ACADL: variants seen among roughly 807,000 people sequenced by gnomAD.
ACADL encodes acyl-CoA dehydrogenase long chain.
A neutral mutation model predicts 56.9 loss-of-function variants in ACADL; 60 were observed. The ratio of observed to expected loss-of-function variants is 1.05; its 90% CI spans 0.86 to 1.31. ACADL has a LOEUF of 1.31. Ranked by LOEUF, ACADL falls within the 50% of genes most tolerant of loss-of-function variation. ACADL has a pLI of 0.00. For synonymous variants in ACADL, 158 were observed against 179.7 expected (o/e 0.88, Z 0.97); for missense variants, 484 against 525.5 (o/e 0.92, Z 0.77).
Position 210,189,165 on chromosome 2 carries a change from G to A in ACADL, c.1200-111C>T. 5.5e-6 allele frequency: 4 copies of A among 729,092 alleles called. No individual in the cohort carries two copies. The South Asian group carries it at 6.5e-5, about 12-fold the overall frequency. The allele number at this position is 729,092 out of a possible 1,614,324, so 45.2% of individuals were successfully genotyped here. On this transcript the variant is annotated intron_variant, in intron 10 of 10. Transcript: ENST00000233710. Reference sequence around the variant, plus strand: ...AATTAGTGAAGTACAAACAATAAAAGTCCTTCATAAATTACTTATTTTTTC... The same window carrying A: ...AATTAGTGAAGTACAAACAATAAAAATCCTTCATAAATTACTTATTTTTTC...
chr2:210,222,886 G>A (rs1215540592), intron 1 of ACADL, among the ~76,000 whole-genome samples: 1 of 152,140 alleles, frequency 6.6e-6, no homozygotes, highest in Non-Finnish European at 1.5e-5. Flanking sequence ...TTTCTTGCTA[G>A]TAGAGATAAA....
At chr2:210,214,280 C>T (rs1559639769) in intron 4 of ACADL, among the ~76,000 whole-genome samples, 1 of 152,092 alleles carries the variant, frequency 6.6e-6, no homozygotes, top group South Asian at 2.1e-4. Context: ...TTTCTTCCCA[C>T]GTGTTTTTCC....
intron 5 of ACADL, 151 bp from the exon 6 acceptor site, chr2:210,205,947 G>T: frequency 1.2e-6 from 1 of 854,030 alleles, no homozygotes; most frequent in Non-Finnish European, 1.9e-6. Context: ...CTGCAAAGTT[G>T]ATTATTCACA....
At chr2:210,222,508 C>CAAAAAAAAAAAAAAAAAAA (rs797000679) in intron 1 of ACADL, among the ~76,000 whole-genome samples, 13 of 81,310 alleles carry the variant, frequency 1.6e-4, no homozygotes, top group Non-Finnish European at 1.7e-4. Context: ...AACAAACAAA[C>CAAAAAAAAAAAAAAAAAAA]AAAAAAAAAA....
intron 3 of ACADL, 196 bp from the exon 4 acceptor site, chr2:210,216,707 T>C (rs1175887894): frequency 1.8e-6 from 1 of 550,404 alleles, no homozygotes; most frequent in Non-Finnish European, 3.2e-6. Flanking sequence ...ATAACAGTGG[T>C]CTACCAGAGT....
intron 10 of ACADL, among the ~76,000 whole-genome samples, chr2:210,190,629 A>C (rs1688615983): frequency 6.6e-6 from 1 of 152,014 alleles, no homozygotes; most frequent in African/African-American, 2.4e-5. Flanking sequence ...CTTAAATCTC[A>C]CTCCTCACGG....
At chr2:210,203,543 A>G in intron 7 of ACADL, 99 bp from the exon 8 acceptor site, 1 of 747,928 alleles carries the variant, frequency 1.3e-6, no homozygotes, top group Non-Finnish European at 2.2e-6. Context: ...TCTTTATAAT[A>G]AACTCATAAA....
intron 5 of ACADL, 41 bp downstream of exon 5, chr2:210,210,155 G>C: frequency 7.0e-7 from 1 of 1,420,514 alleles, no homozygotes; most frequent in South Asian, 1.1e-5. Context: ...CCCATGGCAT[G>C]ACTCTGAAAA....
intron 7 of ACADL, 85 bp from the exon 8 acceptor site, chr2:210,203,529 A>C (rs1448656290): frequency 1.2e-6 from 1 of 820,510 alleles, no homozygotes; most frequent in Non-Finnish European, 2.0e-6. Context: ...AATCCTATAA[A>C]TTATCTTTAT....
chr2:210,198,963 G>T (rs1220285259), intron 8 of ACADL, among the ~76,000 whole-genome samples: 1 of 151,960 alleles, frequency 6.6e-6, no homozygotes, highest in African/African-American at 2.4e-5. Context: ...ATTCTAAAAA[G>T]AAAATAAATT....
intron 8 of ACADL, among the ~76,000 whole-genome samples, chr2:210,202,272 T>C (rs1688805852): frequency 6.6e-6 from 1 of 152,042 alleles, no homozygotes; most frequent in East Asian, 1.9e-4. Flanking sequence ...TTTGTATTTT[T>C]AGTAGAGACA....
chr2:210,194,927 T>G (rs1460247883), intron 9 of ACADL, among the ~76,000 whole-genome samples: 2 of 152,192 alleles, frequency 1.3e-5, no homozygotes, highest in African/African-American at 4.8e-5. Context: ...CACTCTTCAT[T>G]TTCCCACTCT....
chr2:210,192,779 G>A, intron 10 of ACADL, 25 bp downstream of exon 10: 2 of 1,543,644 alleles, frequency 1.3e-6, no homozygotes, highest in Non-Finnish European at 1.8e-6. Flanking sequence ...TCATAAAGAA[G>A]AGTGTATCAG....
At chr2:210,197,855 A>C (rs1166323700) in intron 8 of ACADL, among the ~76,000 whole-genome samples, 1 of 152,234 alleles carries the variant, frequency 6.6e-6, no homozygotes, top group Non-Finnish European at 1.5e-5. Context: ...CATTCAGTGA[A>C]GTCCAGAGGT....
intron 6 of ACADL, among the ~76,000 whole-genome samples, chr2:210,205,427 T>G (rs1559636885): frequency 6.6e-6 from 1 of 152,198 alleles, no homozygotes; most frequent in Non-Finnish European, 1.5e-5. Context: ...ATATTCAAAA[T>G]ACCTTGATTC....
At chr2:210,205,324 C>T (rs1688865822) in intron 6 of ACADL, among the ~76,000 whole-genome samples, 1 of 152,120 alleles carries the variant, frequency 6.6e-6, no homozygotes, top group Non-Finnish European at 1.5e-5. Context: ...CTGTGCCTGG[C>T]CACACTTTAT....
intron 8 of ACADL, among the ~76,000 whole-genome samples, chr2:210,196,398 C>T (rs543669676): frequency 6.6e-6 from 1 of 152,128 alleles, no homozygotes; most frequent in East Asian, 1.9e-4. Context: ...CTGGGATTAT[C>T]AATGTTAATA....
At chr2:210,221,727 CTT>C (rs35816930) in intron 1 of ACADL, among the ~76,000 whole-genome samples, 23 of 140,092 alleles carry the variant, frequency 1.6e-4, no homozygotes, top group Non-Finnish European at 1.4e-4. Context: ...TGTTTCTTTC[CTT>C]TTTTTTTTTT....
At chr2:210,196,175 A>G (rs1575671878) in intron 8 of ACADL, among the ~76,000 whole-genome samples, 1 of 152,088 alleles carries the variant, frequency 6.6e-6, no homozygotes, top group African/African-American at 2.4e-5. Context: ...GCCTGCTACC[A>G]TGTAAGATGT....
Sources: allele counts gnomAD v4.1 joint callset (sites outside exome capture counted in the v4.1 genomes callset), GRCh38; gene constraint gnomAD v4.1.1; transcripts MANE v1.5; gene names NCBI Gene and HGNC (gene_info 2026-07-23, HGNC 2026-07-21).